Variants in CDH18 observed in about 807,000 individuals in gnomAD.
CDH18 encodes cadherin-18.
In CDH18, 31 loss-of-function variants were observed where a neutral mutation model predicts 67.9. That is an observed-to-expected ratio of 0.46 (90% confidence interval 0.34 to 0.62). CDH18 has a LOEUF of 0.62. Among genes scored for constraint, CDH18 ranks in the 20% least tolerant of loss-of-function variants. CDH18 has a pLI of 0.01. For missense variants in CDH18, 890 were observed against 975.5 expected (o/e 0.91, Z 1.17); for synonymous variants, 362 against 347.2 (o/e 1.04, Z -0.48).
chr5:19,966,564 A>G (rs1410800308), intron 2 of CDH18, among the ~76,000 whole-genome samples: 1 of 152,146 alleles, frequency 6.6e-6, no homozygotes, highest in African/African-American at 2.4e-5. Flanking sequence ...TGGTATAAAG[A>G]AAGTAGCAAA....
intron 1 of CDH18, among the ~76,000 whole-genome samples, chr5:20,484,328 G>A (rs1168030931): frequency 6.6e-6 from 1 of 152,062 alleles, no homozygotes; most frequent in African/African-American, 2.4e-5. Flanking sequence ...CACTGTTGGT[G>A]GGAATGTGAG....
At chr5:19,703,793 T>C (rs1039554288) in intron 5 of CDH18, among the ~76,000 whole-genome samples, 1 of 151,532 alleles carries the variant, frequency 6.6e-6, no homozygotes, top group African/African-American at 2.4e-5. Context: ...TTAAAATACT[T>C]AAAGGATTTA....
At chr5:20,234,451 G>C (rs947578639) in intron 2 of CDH18, among the ~76,000 whole-genome samples, 2 of 151,980 alleles carry the variant, frequency 1.3e-5, no homozygotes, top group Non-Finnish European at 2.9e-5. Flanking sequence ...TCCCATGAAT[G>C]TGATTGATGC....
chr5:19,905,004 T>G (rs1452513452), intron 2 of CDH18, among the ~76,000 whole-genome samples: 1 of 152,286 alleles, frequency 6.6e-6, no homozygotes, highest in East Asian at 1.9e-4. Context: ...AATGGTTTCT[T>G]GCTGAGAGAT....
chr5:19,696,977 C>G (rs1387266345), intron 5 of CDH18, among the ~76,000 whole-genome samples: 4 of 152,092 alleles, frequency 2.6e-5, no homozygotes, highest in Non-Finnish European at 5.9e-5. Flanking sequence ...ATTAACCAAA[C>G]AATACTCAAC....
intron 2 of CDH18, among the ~76,000 whole-genome samples, chr5:19,956,415 T>C (rs1231709034): frequency 2.6e-5 from 4 of 151,946 alleles, no homozygotes; most frequent in Non-Finnish European, 4.4e-5. Context: ...AAAGAGTAGG[T>C]CAACATCATT....
At chr5:20,169,889 T>C (rs1055944624) in intron 2 of CDH18, among the ~76,000 whole-genome samples, 3 of 152,282 alleles carry the variant, frequency 2.0e-5, no homozygotes, top group Admixed American at 2.0e-4. Flanking sequence ...ATTTGAGCTT[T>C]ATAAGACTCA....
Position 19,490,394 on chromosome 5 carries a change from G to GTTTTTTTTTTTTTTTTT in CDH18, c.1631-6859_1631-6843dup, listed in dbSNP as rs70950073. On this transcript the variant is annotated intron_variant, in intron 11 of 12. Transcript: ENST00000382275. ...TGATATATCACATATATAAAAATCTGTTTTTTTTTTTTTTTTTTTTTTTTT... is the reference window on the plus strand; with the variant it reads ...TGATATATCACATATATAAAAATCTGTTTTTTTTTTTTTTTTTTTTTTTTTTTTTTTTTTTTTTTTTT... Among the ~76,000 whole-genome samples the GTTTTTTTTTTTTTTTTT allele has an allele frequency of 2.3e-4, 14 of 60,210 alleles. 1 individual carries two copies. The highest frequency in any genetic ancestry group is 5.4e-4 in the African/African-American group (8 of 14,916). 39.5% of individuals were successfully genotyped at this position (60,210 alleles called of 152,430 possible).
intron 2 of CDH18, among the ~76,000 whole-genome samples, chr5:20,138,979 T>C (rs867073687): frequency 3.9e-5 from 6 of 152,020 alleles, no homozygotes; most frequent in Non-Finnish European, 8.8e-5. Flanking sequence ...AAAGTACATA[T>C]AGAACCAAAA....
At chr5:19,924,605 G>T (rs552151148) in intron 2 of CDH18, among the ~76,000 whole-genome samples, 1 of 152,120 alleles carries the variant, frequency 6.6e-6, no homozygotes, top group Admixed American at 6.6e-5. Flanking sequence ...CAGCCTGGGC[G>T]AAAGAGCAAG....
At chr5:20,439,818 CA>C (rs1749477963) in intron 1 of CDH18, among the ~76,000 whole-genome samples, 1 of 151,600 alleles carries the variant, frequency 6.6e-6, no homozygotes, top group African/African-American at 2.4e-5. Context: ...ATAGTATGTT[CA>C]GCTTTAGATA....
chr5:20,299,923 G>A (rs1161844680), intron 1 of CDH18, among the ~76,000 whole-genome samples: 2 of 152,124 alleles, frequency 1.3e-5, no homozygotes, highest in African/African-American at 4.8e-5. Context: ...GTATCTTTAT[G>A]TAGGGAAAGT....
intron 6 of CDH18, among the ~76,000 whole-genome samples, chr5:19,598,717 C>T (rs928138928): frequency 2.6e-5 from 4 of 152,090 alleles, no homozygotes; most frequent in Non-Finnish European, 5.9e-5. Flanking sequence ...AAACTTACAA[C>T]TGTTAAATAA....
At chr5:19,717,199 G>A (rs1262943717) in intron 5 of CDH18, among the ~76,000 whole-genome samples, 8 of 151,996 alleles carry the variant, frequency 5.3e-5, no homozygotes, top group East Asian at 1.9e-4. Context: ...TCCTGAATTG[G>A]TCATCAGGAA....
At chr5:20,041,234 T>C (rs146063626) in intron 2 of CDH18, among the ~76,000 whole-genome samples, 18 of 152,316 alleles carry the variant, frequency 1.2e-4, no homozygotes, top group Admixed American at 2.6e-4. Flanking sequence ...ATATGCTATA[T>C]TCTATCATTG....
At chr5:19,603,744 G>T (rs1328694558) in intron 6 of CDH18, among the ~76,000 whole-genome samples, 1 of 150,524 alleles carries the variant, frequency 6.6e-6, no homozygotes, top group Non-Finnish European at 1.5e-5. Flanking sequence ...GATTTTCTGA[G>T]ATATGAGGTA....
At chr5:20,561,963 A>G (rs1371327945) in intron 1 of CDH18, among the ~76,000 whole-genome samples, 1 of 151,930 alleles carries the variant, frequency 6.6e-6, no homozygotes, top group East Asian at 1.9e-4. Flanking sequence ...GTATTATGCT[A>G]AGAGCTGCCT....
chr5:19,535,140 G>A (rs906938300), intron 9 of CDH18, among the ~76,000 whole-genome samples: 4 of 152,104 alleles, frequency 2.6e-5, no homozygotes, highest in Non-Finnish European at 5.9e-5. Flanking sequence ...AAGAAACTGG[G>A]TAACACACTA....
At chr5:19,542,203 A>G (rs1750390085) in intron 9 of CDH18, among the ~76,000 whole-genome samples, 2 of 152,218 alleles carry the variant, frequency 1.3e-5, no homozygotes, top group Admixed American at 6.5e-5. Context: ...TAAGGGCAAT[A>G]GAAGCATGCA....
Sources: gnomAD v4.1 joint callset for allele counts (sites outside exome capture counted in the v4.1 genomes callset) on GRCh38, gnomAD v4.1.1 for gene constraint, MANE v1.5 for transcripts, NCBI Gene and HGNC (gene_info 2026-07-23, HGNC 2026-07-21) for gene names.